The following JAK1 variants were observed in gnomAD, a reference collection of about 807,000 sequenced individuals.
The protein encoded by JAK1 is Janus kinase 1.
A neutral mutation model predicts 136.6 loss-of-function variants in JAK1; 16 were observed. The observed-to-expected ratio is 0.12, with a 90% CI of 0.08 to 0.18. The LOEUF (loss-of-function observed/expected upper bound fraction) is 0.18. Among genes scored for constraint, JAK1 ranks in the 10% least tolerant of loss-of-function variants. The probability of loss-of-function intolerance (pLI) is 1.00; values close to 1 mark genes in which losing one functional copy is unlikely to be tolerated. For missense variants in JAK1, 859 were observed against 1,450.1 expected, an observed-to-expected ratio of 0.59 and a Z score of 6.62; for synonymous variants, 492 against 519.5, an observed-to-expected ratio of 0.95 and a Z score of 0.72.
At chr1:64,927,086 C>T (rs1447474037) in intron 1 of JAK1, among the ~76,000 whole-genome samples, 2 of 152,200 alleles carry the variant, frequency 1.3e-5, no homozygotes, top group Admixed American at 1.3e-4. Context: ...CTCTTCAGCC[C>T]TGACTGCTCT....
intron 2 of JAK1, among the ~76,000 whole-genome samples, chr1:64,981,281 T>C (rs1403733999): frequency 6.6e-6 from 1 of 152,232 alleles, no homozygotes; most frequent in Non-Finnish European, 1.5e-5. Flanking sequence ...CAGTATTTAT[T>C]GCCTACATCA....
At chr1:64,924,210 ATATAG>A (rs1353138662) in intron 1 of JAK1, among the ~76,000 whole-genome samples, 1 of 152,348 alleles carries the variant, frequency 6.6e-6, no homozygotes, top group African/African-American at 2.4e-5. Flanking sequence ...GTAGTATCTT[ATATAG>A]TATATCGTAT....
chr1:64,981,810 A>T (rs1290771767), intron 2 of JAK1, among the ~76,000 whole-genome samples: 1 of 152,222 alleles, frequency 6.6e-6, no homozygotes. Flanking sequence ...TTAACAGGGC[A>T]CACCTAGCTT....
At chr1:65,066,442 G>A (rs865812074) in intron 1 of JAK1, among the ~76,000 whole-genome samples, 1 of 152,198 alleles carries the variant, frequency 6.6e-6, no homozygotes, top group African/African-American at 2.4e-5. Flanking sequence ...GGAGAAGCGG[G>A]AAAACACTGG....
At chr1:64,922,173 C>T (rs886396548) in intron 1 of JAK1, among the ~76,000 whole-genome samples, 1 of 151,936 alleles carries the variant, frequency 6.6e-6, no homozygotes, top group Admixed American at 6.6e-5. Context: ...AACAACAACA[C>T]TACTAAATGC....
At chr1:65,049,911 G>C (rs2100855971) in intron 1 of JAK1, among the ~76,000 whole-genome samples, 1 of 152,294 alleles carries the variant, frequency 6.6e-6, no homozygotes, top group South Asian at 2.1e-4. Flanking sequence ...TTCGCTGAGA[G>C]AAGTTCCCAC....
At chr1:64,977,108 C>T (rs1395885938) in intron 2 of JAK1, among the ~76,000 whole-genome samples, 3 of 151,752 alleles carry the variant, frequency 2.0e-5, no homozygotes, top group Non-Finnish European at 4.4e-5. Flanking sequence ...ATAACATGTA[C>T]TTTCTATATT....
chr1:64,876,790 G>A (rs911386248), intron 4 of JAK1, among the ~76,000 whole-genome samples: 4 of 151,982 alleles, frequency 2.6e-5, no homozygotes, highest in African/African-American at 9.7e-5. Context: ...AAAATGACGT[G>A]GAGGAACAAA....
intron 13 of JAK1, 81 bp from the exon 14 acceptor site, chr1:64,846,817 C>T (rs754694951): frequency 9.4e-7 from 1 of 1,066,036 alleles, no homozygotes; most frequent in Non-Finnish European, 1.4e-6. Context: ...AGGGGAAAGC[C>T]AGTGGACCCA....
chr1:65,063,727 C>T (rs1174228727), intron 1 of JAK1, among the ~76,000 whole-genome samples: 3 of 149,938 alleles, frequency 2.0e-5, no homozygotes, highest in Admixed American at 6.7e-5. Flanking sequence ...ATCGCTTGAA[C>T]CTGGGAGGTG....
chr1:64,852,804 GA>G (rs1379789912), intron 11 of JAK1, among the ~76,000 whole-genome samples: 1 of 152,178 alleles, frequency 6.6e-6, no homozygotes, highest in Non-Finnish European at 1.5e-5. Context: ...TGACGCAAGG[GA>G]ACGGCTGCCT....
At chr1:64,889,134 G>A (rs929738542) in intron 1 of JAK1, among the ~76,000 whole-genome samples, 2 of 152,172 alleles carry the variant, frequency 1.3e-5, no homozygotes, top group Non-Finnish European at 2.9e-5. Flanking sequence ...TATTTTTAGA[G>A]CAAGTAGAAA....
At position 64,998,671 on chromosome 1, in the gene JAK1, G is replaced by A. The variant is rs57257634; in HGVS notation, c.-78+45809C>T. Among the ~76,000 whole-genome samples, 1,233 of 152,216 alleles carry A rather than the reference G, an allele frequency of 8.1e-3. 24 individuals are homozygous for A. Among genetic ancestry groups the A allele is most frequent in the African/African-American group, 0.028 (1,166 of 41,532 alleles). On this transcript the variant is annotated intron_variant, in intron 2 of 25. Transcript: ENST00000671954. ...CCAGTGATAATTAAATCATGGGGGC[G>A]GGTCTTTTCCATGCTATTCTTGTGA...
intron 2 of JAK1, among the ~76,000 whole-genome samples, chr1:64,999,996 T>G (rs540116883): frequency 3.3e-5 from 5 of 150,718 alleles, no homozygotes; most frequent in South Asian, 2.1e-4. Flanking sequence ...ATCATAAGTT[T>G]TTTTTTTTTT....
chr1:64,902,082 T>A (rs1645114019), intron 1 of JAK1, among the ~76,000 whole-genome samples: 2 of 152,218 alleles, frequency 1.3e-5, no homozygotes, highest in African/African-American at 4.8e-5. Flanking sequence ...AATAATATTA[T>A]CAGGGGTGTA....
intron 1 of JAK1, among the ~76,000 whole-genome samples, chr1:64,901,726 G>C (rs1487968451): frequency 6.6e-6 from 1 of 152,054 alleles, no homozygotes; most frequent in Admixed American, 6.5e-5. Flanking sequence ...TCTCAAAAGA[G>C]TGCAACCATC....
intron 1 of JAK1, among the ~76,000 whole-genome samples, chr1:65,052,421 T>C (rs1436546896): frequency 6.6e-6 from 1 of 152,126 alleles, no homozygotes; most frequent in Admixed American, 6.5e-5. Context: ...CTCACACCTG[T>C]AATCCCAGCA....
At chr1:64,989,263 T>C (rs1249109386) in intron 2 of JAK1, among the ~76,000 whole-genome samples, 1 of 149,734 alleles carries the variant, frequency 6.7e-6, no homozygotes, top group East Asian at 2.0e-4. Context: ...AGGCAGAGGC[T>C]GCAGTGAGCC....
chr1:64,975,317 GCT>G (rs1206956949), intron 2 of JAK1, among the ~76,000 whole-genome samples: 1 of 152,184 alleles, frequency 6.6e-6, no homozygotes, highest in Non-Finnish European at 1.5e-5. Flanking sequence ...GGAAAGCCCA[GCT>G]CTGTGCAAAC....
Sources: gnomAD v4.1 joint callset for allele counts (sites outside exome capture counted in the v4.1 genomes callset) on GRCh38, gnomAD v4.1.1 for gene constraint, MANE v1.5 for transcripts, NCBI Gene and HGNC (gene_info 2026-07-23, HGNC 2026-07-21) for gene names.